The following GSTM4 variants were observed in gnomAD, a reference collection of about 807,000 sequenced individuals.
GSTM4 encodes glutathione S-transferase mu 4, also known as GST class-mu 4.
Under a neutral mutation model 30.1 loss-of-function variants are expected in GSTM4, and 27 were observed. The ratio of observed to expected loss-of-function variants is 0.90; its 90% CI spans 0.66 to 1.24. GSTM4 has a LOEUF of 1.24. GSTM4 is among the 50% of genes most tolerant of loss of function. The probability of loss-of-function intolerance (pLI) is 0.00; values close to 1 mark genes in which losing one functional copy is unlikely to be tolerated. For synonymous variants in GSTM4, 94 were observed against 96.2 expected, an observed-to-expected ratio of 0.98 and a Z score of 0.13; for missense variants, 238 against 272.1, an observed-to-expected ratio of 0.87 and a Z score of 0.88.
Position 109,661,356 on chromosome 1 carries a change from T to A in GSTM4, c.*102T>A. Reference sequence around the variant, plus strand: ...CTGCATCCCAGCACCTGCCTCCTCGTTCCTTTCTCCTGTTTATTCCCATCT... The same window carrying A: ...CTGCATCCCAGCACCTGCCTCCTCGATCCTTTCTCCTGTTTATTCCCATCT... On this transcript the variant is annotated 3_prime_UTR_variant, in exon 8 of 8. Transcript: ENST00000369836. 2 of 1,585,980 alleles carry A rather than the reference T, an allele frequency of 1.3e-6. No individual in the cohort carries two copies. The highest frequency in any genetic ancestry group is 1.7e-6 in the Non-Finnish European group (2 of 1,165,124).
chr1:109,664,175 TC>T (rs985052101), downstream of GSTM4, among the ~76,000 whole-genome samples: 4 of 152,078 alleles, frequency 2.6e-5, no homozygotes, highest in African/African-American at 9.7e-5. Flanking sequence ...TGTGGATTTT[TC>T]TCATTTATTT....
At chr1:109,661,733 T>C, downstream of GSTM4, 2 of 1,040,408 alleles carry the variant, frequency 1.9e-6, no homozygotes, top group South Asian at 4.0e-5. Flanking sequence ...TGCTCCTGGC[T>C]GCCCAGACTG....
At position 109,661,242 on chromosome 1, in the gene GSTM4, G is replaced by C; in HGVS notation, c.645G>C (p.Trp215Cys). 1 of 1,611,208 alleles carries C rather than the reference G, an allele frequency of 6.2e-7. No individual in the cohort carries two copies. The highest frequency in any genetic ancestry group is 8.5e-7 in the Non-Finnish European group (1 of 1,179,484). ...CTCTGTACACAAGGGTGGCTGTCTGGGGCAACAAGTAATGCCTTGAAGGCC... is the reference window on the plus strand; with the variant it reads ...CTCTGTACACAAGGGTGGCTGTCTGCGGCAACAAGTAATGCCTTGAAGGCC... Reference protein sequence around the residue: ...PKPLYTRVAVWGNK With the variant: ...PKPLYTRVAVCGNK The change falls in exon 8 of 8, where the codon TGG becomes TGC. Residue 215 changes from tryptophan to cysteine, a missense_variant. Transcript: ENST00000369836.
chr1:109,665,294 C>G (rs1242967371), downstream of GSTM4: 2 of 561,298 alleles, frequency 3.6e-6, no homozygotes, highest in African/African-American at 3.8e-5. Flanking sequence ...GTTCTCTGGC[C>G]TTCAGACTTG....
rs1553232583 is a variant in GSTM4 at position 109,656,587 on chromosome 1, T to TGTGC, written c.37-119_37-116dup. The TGTGC allele has an allele frequency of 3.1e-3, 1,833 of 599,768 alleles. 85 individuals are homozygous for TGTGC. The African/African-American group carries it at 0.053, about 17-fold the overall frequency. The allele number at this position is 599,768 out of a possible 1,614,324, so 37.2% of individuals were successfully genotyped here. On this transcript the variant is annotated intron_variant, in intron 1 of 7. Coordinates refer to ENST00000369836, the MANE Select transcript of GSTM4 (RefSeq NM_000850.5). ...GTGTGTGTGTGTGTGTGTGTGTGTGTGTGCGTGCGCCGGGGTGGGGGGGGG... is the reference window on the plus strand; with the variant it reads ...GTGTGTGTGTGTGTGTGTGTGTGTGTGTGCGTGCGTGCGCCGGGGTGGGGGGGGG...
chr1:109,664,341 C>CTTTTTTT (rs77855995), downstream of GSTM4, among the ~76,000 whole-genome samples: 169 of 35,754 alleles, frequency 4.7e-3, 46 homozygotes, highest in South Asian at 6.7e-3. Context: ...GAGAGAATAG[C>CTTTTTTT]TTTTTTTTTT....
chr1:109,659,545 C>A, intron 7 of GSTM4: 1 of 518,936 alleles, frequency 1.9e-6, no homozygotes, highest in Non-Finnish European at 3.3e-6. Flanking sequence ...ATGCAGCTGG[C>A]AATAGTAGGA....
chr1:109,664,261 C>A (rs1647222562), downstream of GSTM4, among the ~76,000 whole-genome samples: 1 of 145,614 alleles, frequency 6.9e-6, no homozygotes, highest in African/African-American at 2.5e-5. Context: ...AGTTGGTCCC[C>A]AAAGGCAATT....
rs768700763 is a variant in GSTM4, at chr1:109,656,407, G to GT, written c.19dup (p.Tyr7LeufsTer34). 86 of 1,613,992 alleles carry GT rather than the reference G, an allele frequency of 5.3e-5. No individual in the cohort carries two copies. The African/African-American group carries it at 1.1e-3, about 20-fold the overall frequency. ...CCAGCATCATGTCCATGACACTGGG[G>GT]TACTGGGACATCCGCGGGGTGAGTG... is the stretch of plus-strand genomic sequence containing the variant. On this transcript the variant is annotated frameshift_variant, in exon 1 of 8. Coordinates refer to ENST00000369836, the MANE Select transcript of GSTM4 (RefSeq NM_000850.5). LOFTEE classifies it high-confidence loss of function.
chr1:109,665,333 C>T (rs2101236754), downstream of GSTM4: 1 of 472,956 alleles, frequency 2.1e-6, no homozygotes, highest in East Asian at 3.6e-5. Context: ...CGCCTCCCAC[C>T]CCCACCTTTG....
intron 3 of GSTM4, 123 bp from the exon 4 acceptor site, chr1:109,657,467 T>C (rs1182953420): frequency 6.7e-7 from 1 of 1,481,942 alleles, no homozygotes; most frequent in African/African-American, 1.4e-5. Flanking sequence ...AGTATTTCTA[T>C]GTCAGGCCTG....
intron 1 of GSTM4, 132 bp downstream of exon 1, chr1:109,656,557 T>A (rs1570614342): frequency 9.4e-6 from 4 of 427,076 alleles, no homozygotes; most frequent in Non-Finnish European, 1.8e-5. Flanking sequence ...TGCCTGTGTG[T>A]GTGTGTGTGT....
At chr1:109,658,383 C>T (rs917880533) in intron 5 of GSTM4, 1 of 213,432 alleles carries the variant, frequency 4.7e-6, no homozygotes, top group Admixed American at 5.2e-5. Context: ...TGCAGCCTCT[C>T]AAAATCTCAT....
chr1:109,662,519 C>T (rs1207054956), downstream of GSTM4, among the ~76,000 whole-genome samples: 2 of 152,174 alleles, frequency 1.3e-5, no homozygotes, highest in Non-Finnish European at 1.5e-5. Flanking sequence ...GCAGGGAGAA[C>T]TTATTACAAA....
intron 1 of GSTM4, 142 bp downstream of exon 1, chr1:109,656,567 T>TGC (rs1651996293): frequency 1.5e-6 from 1 of 672,586 alleles, no homozygotes; most frequent in South Asian, 1.5e-5. Flanking sequence ...TGTGTGTGTG[T>TGC]GTGTGTGTGT....
At chr1:109,661,867 G>A (rs1471756493), downstream of GSTM4, 5 of 236,376 alleles carry the variant, frequency 2.1e-5, no homozygotes, top group East Asian at 7.6e-4. Context: ...AAGGTCTCCT[G>A]CTTCCCAAGG....
downstream of GSTM4, among the ~76,000 whole-genome samples, chr1:109,666,116 G>C (rs1250650444): frequency 1.3e-5 from 2 of 151,832 alleles, no homozygotes; most frequent in African/African-American, 2.4e-5. Context: ...TTTGAGACAG[G>C]GTCTCATTCT....
chr1:109,664,303 G>C (rs1647225873), downstream of GSTM4, among the ~76,000 whole-genome samples: 1 of 126,584 alleles, frequency 7.9e-6, no homozygotes, highest in South Asian at 2.7e-4. Context: ...ATGGTGTTAT[G>C]GTATTATCAT....
In GSTM4 at chr1:109,661,319, C is replaced by T. The variant is rs1279731927; in HGVS notation, c.*65C>T. On this transcript the variant is annotated 3_prime_UTR_variant, in exon 8 of 8. Coordinates refer to ENST00000369836, the MANE Select transcript of GSTM4 (RefSeq NM_000850.5). ...TCAGCCTGCTGCCCAGGCTGTGCAGCGCAGCTGGACTCTGCATCCCAGCAC... is the reference window on the plus strand; with the variant it reads ...TCAGCCTGCTGCCCAGGCTGTGCAGTGCAGCTGGACTCTGCATCCCAGCAC... 52 of 1,608,058 alleles carry T rather than the reference C, an allele frequency of 3.2e-5. No homozygotes were observed. Among genetic ancestry groups the T allele is most frequent in the Non-Finnish European group, 4.3e-5 (51 of 1,176,892 alleles).
Sources: allele counts gnomAD v4.1 joint callset (sites outside exome capture counted in the v4.1 genomes callset), GRCh38; gene constraint gnomAD v4.1.1; transcripts MANE v1.5; gene names NCBI Gene and HGNC (gene_info 2026-07-23, HGNC 2026-07-21).